CEP128: variants seen among roughly 807,000 people sequenced by gnomAD.
The protein encoded by CEP128 is centrosomal protein 128.
In CEP128, 132 loss-of-function variants were observed where a neutral mutation model predicts 156.7. That is an observed-to-expected ratio of 0.84 (90% CI 0.73 to 0.97). CEP128 has a LOEUF of 0.97. Ranked by LOEUF, CEP128 falls within the 50% of genes least tolerant of loss-of-function variation. CEP128 has a pLI of 0.00. For missense variants in CEP128, 1,252 were observed against 1,281.9 expected (o/e 0.98, Z 0.36); for synonymous variants, 469 against 448.9 (o/e 1.04, Z -0.57).
At chr14:80,729,681 C>T (rs1457083047) in intron 19 of CEP128, among the ~76,000 whole-genome samples, 2 of 152,212 alleles carry the variant, frequency 1.3e-5, no homozygotes, top group Non-Finnish European at 1.5e-5. Context: ...TCATCACATC[C>T]GTGCCAACAT....
At chr14:80,578,911 T>G (rs1253442144) in intron 20 of CEP128, among the ~76,000 whole-genome samples, 1 of 152,172 alleles carries the variant, frequency 6.6e-6, no homozygotes, top group Non-Finnish European at 1.5e-5. Flanking sequence ...GACATCATAT[T>G]ACACATTCTC....
intron 21 of CEP128, among the ~76,000 whole-genome samples, chr14:80,550,648 C>T (rs1890172997): frequency 6.6e-6 from 1 of 151,370 alleles, no homozygotes; most frequent in South Asian, 2.1e-4. Context: ...CATACTTCAT[C>T]CTTCTCTGTA....
At chr14:80,591,296 T>C (rs907784639) in intron 19 of CEP128, among the ~76,000 whole-genome samples, 2 of 147,832 alleles carry the variant, frequency 1.4e-5, no homozygotes, top group Non-Finnish European at 3.0e-5. Flanking sequence ...AGGCTCAAAA[T>C]AAAGGGATGG....
At chr14:80,600,281 A>G (rs1892525783) in intron 19 of CEP128, among the ~76,000 whole-genome samples, 1 of 152,258 alleles carries the variant, frequency 6.6e-6, no homozygotes, top group East Asian at 1.9e-4. Flanking sequence ...AAAACTGATA[A>G]GTTCAATGAA....
At chr14:80,816,851 C>T (rs1161254948) in intron 13 of CEP128, among the ~76,000 whole-genome samples, 1 of 152,108 alleles carries the variant, frequency 6.6e-6, no homozygotes, top group Non-Finnish European at 1.5e-5. Context: ...GCTAAGAGCC[C>T]TCTTGGGAGT....
At chr14:80,718,090 G>C (rs902778766) in intron 19 of CEP128, among the ~76,000 whole-genome samples, 1 of 152,104 alleles carries the variant, frequency 6.6e-6, no homozygotes, top group East Asian at 1.9e-4. Flanking sequence ...GCCAAGGCTG[G>C]TGATCCTCAT....
chr14:80,865,696 T>A (rs889269382), intron 8 of CEP128, among the ~76,000 whole-genome samples: 1 of 152,150 alleles, frequency 6.6e-6, no homozygotes, highest in Non-Finnish European at 1.5e-5. Flanking sequence ...TTTGCTAGCA[T>A]CTTCCCTCTT....
At chr14:80,654,764 G>A (rs1895058241) in intron 19 of CEP128, among the ~76,000 whole-genome samples, 1 of 151,822 alleles carries the variant, frequency 6.6e-6, no homozygotes, top group African/African-American at 2.4e-5. Context: ...TCCACTTGTT[G>A]GCTTCTTTTT....
At chr14:80,670,661 C>A (rs1361543426) in intron 19 of CEP128, among the ~76,000 whole-genome samples, 1 of 152,088 alleles carries the variant, frequency 6.6e-6, no homozygotes, top group African/African-American at 2.4e-5. Flanking sequence ...TGAGAAATTA[C>A]TTAATGGATA....
chr14:80,941,181 T>TA (rs540915858), intron 1 of CEP128, among the ~76,000 whole-genome samples: 66 of 150,032 alleles, frequency 4.4e-4, no homozygotes, highest in East Asian at 7.8e-4. Context: ...AAACAGGTAT[T>TA]AAAAAAAAAA....
chr14:80,951,228 G>C (rs1886457079), intron 2 of CEP128, among the ~76,000 whole-genome samples: 1 of 152,102 alleles, frequency 6.6e-6, no homozygotes, highest in Non-Finnish European at 1.5e-5. Flanking sequence ...TAAGGAATGA[G>C]AAAGACCAGA....
upstream of CEP128, chr14:80,942,151 T>C (rs1886196237): frequency 6.6e-6 from 1 of 152,142 alleles, no homozygotes; most frequent in African/African-American, 2.4e-5. Flanking sequence ...TTTCTAGCAC[T>C]GAAATGTAAA....
chr14:80,899,027 AAAT>A (rs1883375499), intron 7 of CEP128, among the ~76,000 whole-genome samples: 1 of 152,202 alleles, frequency 6.6e-6, no homozygotes, highest in African/African-American at 2.4e-5. Context: ...ATAGAGAAAA[AAAT>A]AATGATTACC....
At chr14:80,520,114 A>C (rs755207338) in intron 23 of CEP128, among the ~76,000 whole-genome samples, 1 of 152,182 alleles carries the variant, frequency 6.6e-6, no homozygotes, top group African/African-American at 2.4e-5. Flanking sequence ...AAATTGATAG[A>C]ACAATATTAA....
At chr14:80,751,631 CTTTT>C (rs550491859) in intron 18 of CEP128, among the ~76,000 whole-genome samples, 3 of 138,698 alleles carry the variant, frequency 2.2e-5, no homozygotes, top group African/African-American at 8.0e-5. Context: ...GTAAATATGT[CTTTT>C]TTTTTTTTTT....
At chr14:80,911,124 C>G (rs1179220508) in intron 4 of CEP128, among the ~76,000 whole-genome samples, 1 of 152,162 alleles carries the variant, frequency 6.6e-6, no homozygotes, top group Non-Finnish European at 1.5e-5. Context: ...AAAGGATTGA[C>G]TACACTCCAA....
intron 21 of CEP128, among the ~76,000 whole-genome samples, chr14:80,538,490 T>C (rs943518266): frequency 6.6e-6 from 1 of 152,066 alleles, no homozygotes; most frequent in African/African-American, 2.4e-5. Flanking sequence ...ACAGGAAATG[T>C]GAAAGAAATT....
intron 19 of CEP128, among the ~76,000 whole-genome samples, chr14:80,580,638 A>C (rs1891551633): frequency 6.6e-6 from 1 of 152,162 alleles, no homozygotes. Context: ...CTAGCCAAGA[A>C]GCCCTGGGAC....
At chr14:80,482,909 CA>C (rs1887084735) in intron 14 of CEP128, among the ~76,000 whole-genome samples, 2 of 152,176 alleles carry the variant, frequency 1.3e-5, no homozygotes, top group South Asian at 4.1e-4. Flanking sequence ...GTGAGCTAAG[CA>C]AGTTTCTCAA....
Sources: allele counts gnomAD v4.1 joint callset (sites outside exome capture counted in the v4.1 genomes callset), GRCh38; gene constraint gnomAD v4.1.1; transcripts MANE v1.5; gene names NCBI Gene and HGNC (gene_info 2026-07-23, HGNC 2026-07-21).